The following POLR3A variants were observed in gnomAD, a reference collection of about 807,000 sequenced individuals.
The protein encoded by POLR3A is DNA-directed RNA polymerase III subunit RPC1.
POLR3A carries 112 observed loss-of-function variants against 152.8 expected under a neutral mutation model. That is an observed-to-expected ratio of 0.73 (90% CI 0.63 to 0.86). The LOEUF is 0.86. POLR3A is among the 40% of genes least tolerant of loss of function. The pLI, the probability that POLR3A is intolerant of heterozygous loss-of-function variation, is 0.00. For synonymous variants in POLR3A, 615 were observed against 652.1 expected, an observed-to-expected ratio of 0.94 and a Z score of 0.87; for missense variants, 1,385 against 1,743.1, an observed-to-expected ratio of 0.79 and a Z score of 3.66.
chr10:77,997,208 T>C (rs1194119353), intron 19 of POLR3A, among the ~76,000 whole-genome samples: 6 of 151,034 alleles, frequency 4.0e-5, no homozygotes, highest in African/African-American at 9.8e-5. Context: ...CAATATCATA[T>C]TGAATGGGCA....
chr10:78,000,234 T>G, intron 18 of POLR3A, 116 bp from the exon 19 acceptor site: 2 of 826,208 alleles, frequency 2.4e-6, no homozygotes, highest in Non-Finnish European at 4.1e-6. Flanking sequence ...CTGGCCAGTA[T>G]ATTCTCACTA....
intron 16 of POLR3A, among the ~76,000 whole-genome samples, chr10:78,003,218 T>G (rs1847374022): frequency 6.6e-6 from 1 of 152,196 alleles, no homozygotes; most frequent in Non-Finnish European, 1.5e-5. Flanking sequence ...TTCTAGGAGG[T>G]ACCGGTGAGG....
intron 7 of POLR3A, 78 bp downstream of exon 7, chr10:78,021,782 A>G: frequency 6.2e-7 from 1 of 1,609,862 alleles, no homozygotes; most frequent in Non-Finnish European, 8.5e-7. Flanking sequence ...ACCTCCAATC[A>G]GAGAAGCTGG....
intron 11 of POLR3A, among the ~76,000 whole-genome samples, chr10:78,011,067 C>T (rs915854961): frequency 6.6e-5 from 10 of 152,148 alleles, no homozygotes; most frequent in African/African-American, 9.6e-5. Flanking sequence ...AGACTGGTCT[C>T]GAACTCCTGG....
chr10:78,017,282 A>C (rs1015825496), intron 10 of POLR3A, among the ~76,000 whole-genome samples: 1 of 151,832 alleles, frequency 6.6e-6, no homozygotes, highest in Non-Finnish European at 1.5e-5. Flanking sequence ...AAAACAAAAA[A>C]CAAAAAAACC....
intron 10 of POLR3A, among the ~76,000 whole-genome samples, chr10:78,016,778 G>A (rs997121277): frequency 6.6e-6 from 1 of 151,374 alleles, no homozygotes. Flanking sequence ...GGTAGGCTGA[G>A]GTGGGAGGAT....
chr10:78,008,770 G>A (rs1312402622), intron 14 of POLR3A, among the ~76,000 whole-genome samples: 1 of 151,852 alleles, frequency 6.6e-6, no homozygotes. Flanking sequence ...AGCACTTTGG[G>A]AGGATGAGGT....
At chr10:77,982,610 C>T in intron 27 of POLR3A, 43 bp downstream of exon 27, 2 of 1,588,222 alleles carry the variant, frequency 1.3e-6, no homozygotes, top group East Asian at 4.5e-5. Context: ...TGTCACACCA[C>T]AGGGAGATGC....
chr10:78,010,784 T>G (rs1375351632), intron 11 of POLR3A, among the ~76,000 whole-genome samples: 2 of 152,124 alleles, frequency 1.3e-5, no homozygotes, highest in Admixed American at 1.3e-4. Context: ...AACACCAAAA[T>G]GAAATATCAA....
At chr10:77,999,889 T>A (rs1020789568) in intron 19 of POLR3A, 92 bp downstream of exon 19, 27 of 1,266,132 alleles carry the variant, frequency 2.1e-5, no homozygotes, top group Admixed American at 2.0e-4. Context: ...CTAGATAAAT[T>A]ACAGCTCATG....
intron 9 of POLR3A, among the ~76,000 whole-genome samples, chr10:78,017,961 C>T (rs1439397054): frequency 6.6e-6 from 1 of 151,836 alleles, no homozygotes; most frequent in Non-Finnish European, 1.5e-5. Context: ...ACTGCTTGAG[C>T]CCAGGAGATT....
In POLR3A at chr10:77,977,496, GT is replaced by G; in HGVS notation, c.4154del (p.His1385ProfsTer92). 1 of 1,614,112 alleles carries G rather than the reference GT, an allele frequency of 6.2e-7. No individual in the cohort carries two copies. Among genetic ancestry groups the G allele is most frequent in the Non-Finnish European group, 8.5e-7 (1 of 1,179,992 alleles). On this transcript the variant is annotated frameshift_variant, in exon 31 of 31. Coordinates refer to ENST00000372371, the MANE Select transcript of POLR3A (RefSeq NM_007055.4). LOFTEE classifies it high-confidence loss of function. ...RPLIFDTNEF[H>X]IPLVT Reference sequence around the variant, plus strand: ...CTTTGGACTATGTGACAAGGGGGATGTGGAATTCATTTGTGTCGAAGATCAG... The same window carrying G: ...CTTTGGACTATGTGACAAGGGGGATGGGAATTCATTTGTGTCGAAGATCAG...
chr10:78,001,065 C>T lies in POLR3A; in HGVS notation c.2389G>A (p.Ala797Thr). ...CTGATGGCCTGCTGTCCCACACAGGCAATCATCTGTGATATGTTAATGAAG... is the reference window on the plus strand; with the variant it reads ...CTGATGGCCTGCTGTCCCACACAGGTAATCATCTGTGATATGTTAATGAAG... ...GSFINISQMIACVGQQAISGS... is the reference protein window; with the variant it reads ...GSFINISQMITCVGQQAISGS... The change falls in exon 18 of 31, where the codon GCC (alanine) becomes ACC (threonine). Residue 797 changes from alanine to threonine, a missense_variant. By Grantham distance (58) the Ala-to-Thr change is moderately conservative. Coordinates refer to ENST00000372371, the MANE Select transcript of POLR3A (RefSeq NM_007055.4). The T allele has an allele frequency of 1.2e-6, 2 of 1,608,168 alleles. No individual in the cohort carries two copies. Among genetic ancestry groups the T allele is most frequent in the Non-Finnish European group, 1.7e-6 (2 of 1,174,908 alleles).
intron 9 of POLR3A, among the ~76,000 whole-genome samples, chr10:78,018,835 C>T (rs1244982139): frequency 6.6e-6 from 1 of 152,154 alleles, no homozygotes; most frequent in Non-Finnish European, 1.5e-5. Flanking sequence ...ATTTGCCCAC[C>T]TTGGCCTCAC....
chr10:77,984,330 C>T lies in POLR3A; in HGVS notation c.3243-32G>A, dbSNP rs775839476. 1.9e-5 allele frequency: 25 copies of T among 1,293,708 alleles called. 1 individual carries two copies. The South Asian group carries it at 2.8e-4, about 15-fold the overall frequency. 80.1% of individuals were successfully genotyped at this position (1,293,708 alleles called of 1,614,324 possible). On this transcript the variant is annotated intron_variant, in intron 24 of 30. Coordinates refer to ENST00000372371, the MANE Select transcript of POLR3A (RefSeq NM_007055.4). ...AGAAGCAAAGGAAAAATGGCACTAG[C>T]ACAAGGGAGGAGGCTGTTTGAGGAC...
In POLR3A at chr10:78,010,293, A is replaced by T. The variant is rs542678296; in HGVS notation, c.1642+178T>A. On this transcript the variant is annotated intron_variant, in intron 12 of 30. Transcript: ENST00000372371. ...TGAATTAATGAATAACCAACCAATT[A>T]AAAAAAAAAAGAAAAAAAAAAACCC... Among the ~76,000 whole-genome samples, 127 of 145,020 alleles carry T rather than the reference A, an allele frequency of 8.8e-4. No individual in the cohort carries two copies. Among genetic ancestry groups the T allele is most frequent in the African/African-American group, 3.3e-3 (125 of 37,548 alleles).
chr10:78,003,944 C>CA (rs1847384657), intron 16 of POLR3A, among the ~76,000 whole-genome samples: 1 of 151,386 alleles, frequency 6.6e-6, no homozygotes, highest in African/African-American at 2.4e-5. Context: ...AAAACAACAA[C>CA]AAAAAAACTG....
intron 26 of POLR3A, 65 bp downstream of exon 26, chr10:77,983,855 T>C (rs1383514925): frequency 1.8e-5 from 18 of 996,766 alleles, no homozygotes; most frequent in Non-Finnish European, 2.9e-5. Context: ...CTTGCCCTAG[T>C]TTATCAGTAC....
At chr10:78,004,954 T>A (rs2131945884) in intron 15 of POLR3A, 66 bp from the exon 16 acceptor site, 10 of 1,219,850 alleles carry the variant, frequency 8.2e-6, no homozygotes, top group East Asian at 2.3e-5. Flanking sequence ...CTAAATACAG[T>A]TTATGCCTGC....
Sources: allele counts gnomAD v4.1 joint callset (sites outside exome capture counted in the v4.1 genomes callset), GRCh38; gene constraint gnomAD v4.1.1; transcripts MANE v1.5; gene names NCBI Gene and HGNC (gene_info 2026-07-23, HGNC 2026-07-21).